The following ADAMTSL3 variants were observed in gnomAD, a reference collection of about 807,000 sequenced individuals.
The protein encoded by ADAMTSL3 is ADAMTS like 3.
ADAMTSL3 carries 128 observed loss-of-function variants against 201.7 expected under a neutral mutation model. That is an observed-to-expected ratio of 0.63 (90% CI 0.55 to 0.73). The LOEUF is 0.73. Among genes scored for constraint, ADAMTSL3 ranks in the 30% least tolerant of loss-of-function variants. The pLI is 0.00. For missense variants in ADAMTSL3, 1,990 were observed against 2,119.6 expected (o/e 0.94, Z 1.20); for synonymous variants, 738 against 748.4 (o/e 0.99, Z 0.23).
chr15:84,011,857 C>A (rs2068012204), intron 23 of ADAMTSL3, among the ~76,000 whole-genome samples: 1 of 152,132 alleles, frequency 6.6e-6, no homozygotes, highest in Non-Finnish European at 1.5e-5. Flanking sequence ...CAACAAAGAA[C>A]TATAACATGC....
At chr15:83,867,789 T>C (rs1425853618) in intron 8 of ADAMTSL3, among the ~76,000 whole-genome samples, 6 of 152,214 alleles carry the variant, frequency 3.9e-5, no homozygotes, top group Non-Finnish European at 5.9e-5. Flanking sequence ...ATGGTTACCA[T>C]GACCCTGCCT....
chr15:83,682,686 G>A (rs536420387), intron 2 of ADAMTSL3, among the ~76,000 whole-genome samples: 6 of 152,302 alleles, frequency 3.9e-5, no homozygotes, highest in South Asian at 4.1e-4. Context: ...GCATGATAGT[G>A]CCGTAGTCTA....
intron 5 of ADAMTSL3, among the ~76,000 whole-genome samples, chr15:83,814,321 T>C (rs1330534044): frequency 2.0e-5 from 3 of 152,190 alleles, no homozygotes; most frequent in Non-Finnish European, 4.4e-5. Context: ...TAAAATGCCA[T>C]CTTTTATATT....
In ADAMTSL3 at chr15:83,753,334, C is replaced by T. The variant is rs141040599; in HGVS notation, c.190-20189C>T. ...GCAGAATTCTCTGTCCCAGTTTTCTCTTTTCACCTAGGGCAGCACAACCCC... is the reference window on the plus strand; with the variant it reads ...GCAGAATTCTCTGTCCCAGTTTTCTTTTTTCACCTAGGGCAGCACAACCCC... On this transcript the variant is annotated intron_variant, in intron 3 of 29. Coordinates refer to ENST00000286744, the MANE Select transcript of ADAMTSL3 (RefSeq NM_207517.3). 5.3e-5 allele frequency among the ~76,000 whole-genome samples: 8 copies of T among 152,318 alleles called. No individual in the cohort carries two copies. In the East Asian group the frequency reaches 1.5e-3, roughly 29 times the overall value.
intron 17 of ADAMTSL3, among the ~76,000 whole-genome samples, chr15:83,930,984 A>C (rs1458316619): frequency 6.6e-6 from 1 of 152,162 alleles, no homozygotes; most frequent in East Asian, 1.9e-4. Context: ...CCCAAAGGCA[A>C]ATGTATTTGA....
chr15:83,716,552 A>C (rs1048470586), intron 3 of ADAMTSL3, among the ~76,000 whole-genome samples: 2 of 151,842 alleles, frequency 1.3e-5, no homozygotes, highest in African/African-American at 4.8e-5. Flanking sequence ...AAAGAAAATA[A>C]ATTCTTAAAA....
intron 27 of ADAMTSL3, among the ~76,000 whole-genome samples, chr15:84,027,727 G>T (rs532752287): frequency 2.0e-5 from 3 of 151,942 alleles, no homozygotes; most frequent in Admixed American, 2.0e-4. Flanking sequence ...AAGAAAAAAA[G>T]AAATGGAACA....
chr15:83,800,148 A>C (rs2063494990), intron 4 of ADAMTSL3, among the ~76,000 whole-genome samples: 1 of 152,210 alleles, frequency 6.6e-6, no homozygotes, highest in South Asian at 2.1e-4. Flanking sequence ...ACTGACTTAT[A>C]AAGGAAACTG....
chr15:83,877,310 T>C (rs2065194958), intron 9 of ADAMTSL3, among the ~76,000 whole-genome samples: 1 of 152,228 alleles, frequency 6.6e-6, no homozygotes, highest in South Asian at 2.1e-4. Flanking sequence ...TAGAAATTAT[T>C]TTGTATATAT....
At chr15:83,751,453 G>A (rs1451255769) in intron 3 of ADAMTSL3, among the ~76,000 whole-genome samples, 1 of 152,080 alleles carries the variant, frequency 6.6e-6, no homozygotes, top group Non-Finnish European at 1.5e-5. Flanking sequence ...GGCTGCTCTG[G>A]GTCAATAATA....
chr15:83,812,233 C>G (rs1245369532), intron 5 of ADAMTSL3, among the ~76,000 whole-genome samples: 2 of 152,250 alleles, frequency 1.3e-5, no homozygotes, highest in South Asian at 4.1e-4. Context: ...TGCAACCCAC[C>G]CCACCTCAAG....
At chr15:83,718,165 A>G (rs1470696172) in intron 3 of ADAMTSL3, among the ~76,000 whole-genome samples, 2 of 152,210 alleles carry the variant, frequency 1.3e-5, no homozygotes, top group African/African-American at 4.8e-5. Context: ...AATAACAATG[A>G]GCAAATGGCC....
At chr15:83,737,982 C>T in intron 3 of ADAMTSL3, among the ~76,000 whole-genome samples, 1 of 152,204 alleles carries the variant, frequency 6.6e-6, no homozygotes, top group Admixed American at 6.5e-5. Context: ...CTCACCTACA[C>T]TGGCTGTGTT....
chr15:83,692,883 G>A (rs190080303), intron 2 of ADAMTSL3, among the ~76,000 whole-genome samples: 1 of 151,992 alleles, frequency 6.6e-6, no homozygotes, highest in South Asian at 2.1e-4. Flanking sequence ...CTCTTGGAAG[G>A]CTGCATTTTG....
At chr15:83,863,790 C>A (rs1311146407) in intron 8 of ADAMTSL3, among the ~76,000 whole-genome samples, 1 of 152,076 alleles carries the variant, frequency 6.6e-6, no homozygotes, top group East Asian at 1.9e-4. Context: ...GAAATAGAAA[C>A]ACAAAAAACC....
rs999911495 is a variant in ADAMTSL3 at position 83,991,099 on chromosome 15, C to T, written c.3858C>T (p.Ile1286=). Reference sequence around the variant, plus strand: ...CTTTGAATTAAGAGGCACCTGTCATCTTGTCTGTTGAAAGAAATATCACCA... The same window carrying T: ...CTTTGAATTAAGAGGCACCTGTCATTTTGTCTGTTGAAAGAAATATCACCA... The part of the protein sequence containing the change: ...SSVLYAEAPV[I]LSVERNITKP... Residue 1286 remains isoleucine, a synonymous_variant, in exon 23 of 30, where the codon ATC becomes ATT. Transcript: ENST00000286744. 2.5e-6 allele frequency: 4 copies of T among 1,614,190 alleles called. No homozygotes were observed. In the Admixed American group the frequency reaches 6.7e-5, roughly 27 times the overall value.
intron 12 of ADAMTSL3, among the ~76,000 whole-genome samples, chr15:83,892,073 G>A (rs2065510766): frequency 6.6e-6 from 1 of 151,900 alleles, no homozygotes; most frequent in African/African-American, 2.4e-5. Flanking sequence ...AAAATTAGCC[G>A]GGCTTGGTGG....
At chr15:83,972,307 G>T (rs1211116807) in intron 20 of ADAMTSL3, among the ~76,000 whole-genome samples, 2 of 152,102 alleles carry the variant, frequency 1.3e-5, no homozygotes, top group Non-Finnish European at 2.9e-5. Flanking sequence ...AAAATCTTGA[G>T]TCCAAAAACT....
chr15:83,697,809 A>T (rs1337816896), intron 2 of ADAMTSL3, among the ~76,000 whole-genome samples: 1 of 152,142 alleles, frequency 6.6e-6, no homozygotes, highest in Non-Finnish European at 1.5e-5. Context: ...CATTAGTATC[A>T]GCTCAACTTT....
Sources: gnomAD v4.1 joint callset for allele counts (sites outside exome capture counted in the v4.1 genomes callset) on GRCh38, gnomAD v4.1.1 for gene constraint, MANE v1.5 for transcripts, NCBI Gene and HGNC (gene_info 2026-07-23, HGNC 2026-07-21) for gene names.